The following FUT5 variants were observed in gnomAD, a reference collection of about 807,000 sequenced individuals.
FUT5 encodes 4-galactosyl-N-acetylglucosaminide 3-alpha-L-fucosyltransferase FUT5.
Under a neutral mutation model 0.8 loss-of-function variants are expected in FUT5, and 1 was observed. The observed-to-expected ratio is 1.26, with a 90% CI of 0.45 to 5.99. The LOEUF (loss-of-function observed/expected upper bound fraction) is 5.99, where lower values mean the gene tolerates loss of function less well. FUT5 is among the 30% of genes most tolerant of loss of function. The probability of loss-of-function intolerance (pLI) is 0.15; values close to 1 mark genes in which losing one functional copy is unlikely to be tolerated. For missense variants in FUT5, 437 were observed against 517.8 expected (o/e 0.84, Z 1.51); for synonymous variants, 212 against 225.7 (o/e 0.94, Z 0.54).
Position 5,867,424 on chromosome 19 carries a change from G to C in FUT5, c.302C>G (p.Ala101Gly), listed in dbSNP as rs140732692. 41 of 1,613,604 alleles carry C rather than the reference G, an allele frequency of 2.5e-5. No individual in the cohort carries two copies. The highest frequency in any genetic ancestry group is 3.4e-5 in the Non-Finnish European group (40 of 1,180,008). ...GTCGGCAGTGATGTTGCAGTCGGCC[G>C]CGCCGGGCACCATCTCTGAGCAGCG... ...LPRCSEMVPG[A>G]ADCNITADSS... is the part of the protein sequence containing the mutation. The change falls in exon 2 of 2, where the codon GCG becomes GGG. Residue 101 changes from alanine to glycine, a missense_variant. By Grantham distance (60) the Ala-to-Gly change is moderately conservative. Around this residue, in one of 2 missense-constraint regions of FUT5, gnomAD observed 261 missense variants for 242.6 expected, o/e 1.08. Coordinates refer to ENST00000588525, the MANE Select transcript of FUT5 (RefSeq NM_002034.2). The surrounding 1 kb of genome is among the most constrained non-coding windows in gnomAD (Gnocchi z 5.0).
intron 1 of FUT5, among the ~76,000 whole-genome samples, chr19:5,868,642 C>A (rs2057513754): frequency 6.6e-6 from 1 of 152,164 alleles, no homozygotes; most frequent in African/African-American, 2.4e-5. Flanking sequence ...CAAGACCAGC[C>A]TGGCCAACAT....
intron 1 of FUT5, among the ~76,000 whole-genome samples, chr19:5,868,855 C>T (rs900841230): frequency 5.3e-5 from 8 of 152,188 alleles, no homozygotes; most frequent in Non-Finnish European, 1.2e-4. Context: ...GCATCTTCCT[C>T]TGTCACCCAG....
At chr19:5,868,101 C>T (rs1275217679) in intron 1 of FUT5, among the ~76,000 whole-genome samples, 2 of 152,166 alleles carry the variant, frequency 1.3e-5, no homozygotes, top group Non-Finnish European at 2.9e-5. Flanking sequence ...GTCTTTCAAT[C>T]AACAGACACT....
chr19:5,866,485 C>T lies in FUT5; in HGVS notation c.*116G>A. On this transcript the variant is annotated 3_prime_UTR_variant, in exon 2 of 2. Transcript: ENST00000588525. The surrounding 1 kb of genome is among the most constrained non-coding windows in gnomAD (Gnocchi z 4.9). ...CCCAGGCAGGTGAGACCCCAGGCAG[C>T]CGAGGCCCCAGGCAGCCGAGGCCCC... is the stretch of plus-strand genomic sequence containing the variant. The T allele has an allele frequency of 8.1e-6, 9 of 1,112,294 alleles. No individual in the cohort carries two copies. Among genetic ancestry groups the T allele is most frequent in the Non-Finnish European group, 1.1e-5 (9 of 809,136 alleles). 68.9% of individuals were successfully genotyped at this position (1,112,294 alleles called of 1,614,324 possible).
chr19:5,868,695 A>G (rs927984582), intron 1 of FUT5, among the ~76,000 whole-genome samples: 1 of 152,138 alleles, frequency 6.6e-6, no homozygotes, highest in African/African-American at 2.4e-5. Context: ...AATTAGCCGG[A>G]TGTGGTGGTG....
Position 5,867,478 on chromosome 19 carries a change from C to T in FUT5, c.248G>A (p.Trp83Ter). Reference protein sequence around the residue: ...HPTLLILLWTWPFNTPVALPR... With the variant: ...HPTLLILLWT ...CAGAGCCACGGGTGTGTTAAAAGGC[C>T]ACGTCCACAGCAGGATCAGTAGGGT... Residue 83 changes from tryptophan to a stop codon, truncating the protein, a stop_gained, in exon 2 of 2, where the codon TGG (tryptophan) becomes TAG (stop). Coordinates refer to ENST00000588525, the MANE Select transcript of FUT5 (RefSeq NM_002034.2). LOFTEE classifies it low-confidence loss of function (END_TRUNC). This position sits in a 1 kb window ranked among gnomAD's most constrained non-coding sequence, Gnocchi z 5.0. The T allele has an allele frequency of 6.2e-7, 1 of 1,613,192 alleles. No individual in the cohort carries two copies. Among genetic ancestry groups the T allele is most frequent in the African/African-American group, 1.3e-5 (1 of 74,912 alleles).
In FUT5 at chr19:5,866,207, C is replaced by T. The variant is rs2144918348; in HGVS notation, c.*394G>A. On this transcript the variant is annotated 3_prime_UTR_variant, in exon 2 of 2. Transcript: ENST00000588525. This position sits in a 1 kb window ranked among gnomAD's most constrained non-coding sequence, Gnocchi z 4.9. ...CCAGCTCCCTTGGGCCCTGTGCCTC[C>T]CAGCGGGTGAGGCTCCTAGCAGGTG... The T allele has an allele frequency of 2.7e-6, 1 of 371,424 alleles. No individual in the cohort carries two copies. The highest frequency in any genetic ancestry group is 6.8e-5 in the East Asian group (1 of 14,636). The allele number at this position is 371,424 out of a possible 1,614,324, so 23.0% of individuals were successfully genotyped here.
rs1365189789 is a variant in FUT5 at position 5,866,784 on chromosome 19, G to A, written c.942C>T (p.Asp314=). Residue 314 remains aspartate (D), a synonymous_variant, in exon 2 of 2, where the codon GAC becomes GAT. Coordinates refer to ENST00000588525, the MANE Select transcript of FUT5 (RefSeq NM_002034.2). The surrounding 1 kb of genome is among the most constrained non-coding windows in gnomAD (Gnocchi z 4.9). ...CCAGCTCCTGCAGGTACCGGGCCAG[G>A]TCCTTGGGGCTCTGGAAGTCGTCCA... is the stretch of plus-strand genomic sequence containing the variant. The part of the protein sequence containing the change: ...IHVDDFQSPK[D]LARYLQELDK... The A allele has an allele frequency of 1.1e-5, 17 of 1,601,866 alleles. No homozygotes were observed. Among genetic ancestry groups the A allele is most frequent in the Non-Finnish European group, 1.4e-5 (17 of 1,174,678 alleles).
Position 5,867,757 on chromosome 19 carries a change from G to A in FUT5, c.-12-20C>T, listed in dbSNP as rs2057510871. On this transcript the variant is annotated intron_variant, in intron 1 of 1. Transcript: ENST00000588525. This position sits in a 1 kb window ranked among gnomAD's most constrained non-coding sequence, Gnocchi z 5.0. ...GAGTAGCTGGGAAGAGAGGAGAGAGGAGTGAGGGTCATTAAGGAAGATCAC... is the reference window on the plus strand; with the variant it reads ...GAGTAGCTGGGAAGAGAGGAGAGAGAAGTGAGGGTCATTAAGGAAGATCAC... 1 of 1,610,796 alleles carries A rather than the reference G, an allele frequency of 6.2e-7. No homozygotes were observed. The highest frequency in any genetic ancestry group is 8.5e-7 in the Non-Finnish European group (1 of 1,178,174).
chr19:5,865,891 C>G lies in FUT5; in HGVS notation c.*710G>C, dbSNP rs1216292307. 1 of 160,040 alleles carries G rather than the reference C, an allele frequency of 6.2e-6. No homozygotes were observed. Among genetic ancestry groups the G allele is most frequent in the African/African-American group, 2.4e-5 (1 of 41,496 alleles). The allele number at this position is 160,040 out of a possible 1,614,324, so 9.9% of individuals were successfully genotyped here. On this transcript the variant is annotated 3_prime_UTR_variant, in exon 2 of 2. Transcript: ENST00000588525. Reference sequence around the variant, plus strand: ...GTGGTTAACAACAGCAATAAAACCACAAGCAAACCAGCCTGCACCATCGCC... The same window carrying G: ...GTGGTTAACAACAGCAATAAAACCAGAAGCAAACCAGCCTGCACCATCGCC...
In FUT5 at chr19:5,866,715, C is replaced by T. The variant is rs1256288129; in HGVS notation, c.1011G>A (p.Glu337=). ...AGCTGAAGGAGCGAGGCCGCAGCGT[C>T]TCCCGCCAGTGAAAGTAGCTCAGGT... ...ARYLSYFHWR[E]TLRPRSFSWA... Residue 337 remains glutamate, a synonymous_variant, in exon 2 of 2, where the codon GAG becomes GAA. Coordinates refer to ENST00000588525, the MANE Select transcript of FUT5 (RefSeq NM_002034.2). This position sits in a 1 kb window ranked among gnomAD's most constrained non-coding sequence, Gnocchi z 4.9. 3 of 1,608,556 alleles carry T rather than the reference C, an allele frequency of 1.9e-6. No homozygotes were observed. The highest frequency in any genetic ancestry group is 2.7e-5 in the African/African-American group (2 of 74,326).
intron 1 of FUT5, among the ~76,000 whole-genome samples, chr19:5,870,093 AG>A (rs2057518246): frequency 6.6e-6 from 1 of 151,554 alleles, no homozygotes; most frequent in Non-Finnish European, 1.5e-5. Flanking sequence ...AAAAAGAAAA[AG>A]AAAAACATTA....
rs1568423572 is a variant in FUT5 at position 5,867,394 on chromosome 19, CTG to C, written c.330_331del (p.Ser111CysfsTer251). ...GACCGCGTCTGCCTGTGGGTACACACTGGAGTCGGCAGTGATGTTGCAGTCGG... is the reference window on the plus strand; with the variant it reads ...GACCGCGTCTGCCTGTGGGTACACACGAGTCGGCAGTGATGTTGCAGTCGG... On this transcript the variant is annotated frameshift_variant, in exon 2 of 2. Transcript: ENST00000588525. LOFTEE classifies it low-confidence loss of function (END_TRUNC). The surrounding 1 kb of genome is among the most constrained non-coding windows in gnomAD (Gnocchi z 5.0). 1 of 1,613,762 alleles carries C rather than the reference CTG, an allele frequency of 6.2e-7. No individual in the cohort carries two copies. Among genetic ancestry groups the C allele is most frequent in the East Asian group, 2.2e-5 (1 of 44,854 alleles).
At position 5,865,877 on chromosome 19, in the gene FUT5, CA is replaced by C. The variant is rs1232708512; in HGVS notation, c.*723del. ...TGCACCCCTCATGGGTGGTTAACAACAGCAATAAAACCACAAGCAAACCAGC... is the reference window on the plus strand; with the variant it reads ...TGCACCCCTCATGGGTGGTTAACAACGCAATAAAACCACAAGCAAACCAGC... On this transcript the variant is annotated 3_prime_UTR_variant, in exon 2 of 2. Coordinates refer to ENST00000588525, the MANE Select transcript of FUT5 (RefSeq NM_002034.2). The C allele has an allele frequency of 1.3e-5, 2 of 159,246 alleles. No individual in the cohort carries two copies. Among genetic ancestry groups the C allele is most frequent in the African/African-American group, 4.8e-5 (2 of 41,476 alleles). The allele number at this position is 159,246 out of a possible 1,614,324, so 9.9% of individuals were successfully genotyped here.
rs987661449 is a variant in FUT5, at chr19:5,866,429, C to A, written c.*172G>T. The A allele has an allele frequency of 9.4e-7, 1 of 1,066,892 alleles. No individual in the cohort carries two copies. The highest frequency in any genetic ancestry group is 2.0e-5 in the Admixed American group (1 of 50,344). 66.1% of individuals were successfully genotyped at this position (1,066,892 alleles called of 1,614,324 possible). On this transcript the variant is annotated 3_prime_UTR_variant, in exon 2 of 2. Coordinates refer to ENST00000588525, the MANE Select transcript of FUT5 (RefSeq NM_002034.2). The surrounding 1 kb of genome is among the most constrained non-coding windows in gnomAD (Gnocchi z 4.9). Reference sequence around the variant, plus strand: ...AGTGAAATCCCAGGTAAGTCACATGCCTGGCCACCAAAGACTCCAGCAGGT... The same window carrying A: ...AGTGAAATCCCAGGTAAGTCACATGACTGGCCACCAAAGACTCCAGCAGGT...
chr19:5,869,452 T>C (rs1039967215), intron 1 of FUT5, among the ~76,000 whole-genome samples: 2 of 151,560 alleles, frequency 1.3e-5, no homozygotes, highest in African/African-American at 4.9e-5. Flanking sequence ...GGTTTCACTA[T>C]GTTGGTCAGA....
At position 5,866,377 on chromosome 19, in the gene FUT5, G is replaced by A. The variant is rs2057502777; in HGVS notation, c.*224C>T. Reference sequence around the variant, plus strand: ...CCCAGCTGGCAAGGTCCCCAGCAGGGGAGGCTCCTGGCAGTGAAGCCCGGC... The same window carrying A: ...CCCAGCTGGCAAGGTCCCCAGCAGGAGAGGCTCCTGGCAGTGAAGCCCGGC... On this transcript the variant is annotated 3_prime_UTR_variant, in exon 2 of 2. Coordinates refer to ENST00000588525, the MANE Select transcript of FUT5 (RefSeq NM_002034.2). This position sits in a 1 kb window ranked among gnomAD's most constrained non-coding sequence, Gnocchi z 4.9. 4 of 712,384 alleles carry A rather than the reference G, an allele frequency of 5.6e-6. No individual in the cohort carries two copies. The highest frequency in any genetic ancestry group is 5.4e-5 in the Admixed American group (2 of 36,890). The allele number at this position is 712,384 out of a possible 1,614,324, so 44.1% of individuals were successfully genotyped here.
rs2057511282 is a variant in FUT5, at chr19:5,867,882, ACT to A, written c.-12-147_-12-146del. ...CCCTGAGTTGAGGATTGAATTTATA[ACT>A]CTGACAGGGAAGGGTACGATGGGAT... On this transcript the variant is annotated intron_variant, in intron 1 of 1. Coordinates refer to ENST00000588525, the MANE Select transcript of FUT5 (RefSeq NM_002034.2). The surrounding 1 kb of genome is among the most constrained non-coding windows in gnomAD (Gnocchi z 5.0). 3 of 865,060 alleles carry A rather than the reference ACT, an allele frequency of 3.5e-6. No homozygotes were observed. Among genetic ancestry groups the A allele is most frequent in the Admixed American group, 2.2e-5 (1 of 46,464 alleles). 53.6% of individuals were successfully genotyped at this position (865,060 alleles called of 1,614,324 possible).
At position 5,866,994 on chromosome 19, in the gene FUT5, C is replaced by T; in HGVS notation, c.732G>A (p.Lys244=). ...VYGRSHKPLP[K]GTMMETLSRY... is the part of the protein sequence containing the mutation. ...GGGACAGCGTCTCCATCATGGTCCC[C>T]TTGGGCAGGGGCTTGTGGGAGCGTC... The change falls in exon 2 of 2, where the codon AAG becomes AAA. Residue 244 remains lysine (K), a synonymous_variant. Coordinates refer to ENST00000588525, the MANE Select transcript of FUT5 (RefSeq NM_002034.2). The surrounding 1 kb of genome is among the most constrained non-coding windows in gnomAD (Gnocchi z 4.9). 6.2e-7 allele frequency: 1 copy of T among 1,613,694 alleles called. No individual in the cohort carries two copies.
Sources: gnomAD v4.1 joint callset for allele counts (sites outside exome capture counted in the v4.1 genomes callset) on GRCh38, gnomAD v4.1.1 for gene constraint, gnomAD v4.1.1 regional missense constraint, Gnocchi (gnomAD v3.1) non-coding constraint, MANE v1.5 for transcripts, NCBI Gene and HGNC (gene_info 2026-07-23, HGNC 2026-07-21) for gene names.